Variants in FAM193A observed in about 807,000 individuals in gnomAD.
FAM193A encodes the protein protein FAM193A.
In FAM193A, 22 loss-of-function variants were observed where a neutral mutation model predicts 126.5. That is an observed-to-expected ratio of 0.17 (90% CI 0.12 to 0.25). The LOEUF is 0.25. Ranked by LOEUF, FAM193A falls within the 10% of genes least tolerant of loss-of-function variation. The pLI is 1.00. For missense variants in FAM193A, 1,675 were observed against 1,672.8 expected, an observed-to-expected ratio of 1.00 and a Z score of -0.02; for synonymous variants, 761 against 646.8, an observed-to-expected ratio of 1.18 and a Z score of -2.68.
intron 5 of FAM193A, among the ~76,000 whole-genome samples, chr4:2,637,260 G>C (rs939847803): frequency 6.6e-6 from 1 of 152,202 alleles, no homozygotes; most frequent in African/African-American, 2.4e-5. Context: ...CTGGGAGGCG[G>C]AGGTTGCAGT....
intron 10 of FAM193A, 77 bp downstream of exon 10, chr4:2,660,131 C>T (rs1224861889): frequency 1.4e-6 from 2 of 1,445,650 alleles, no homozygotes; most frequent in Admixed American, 1.8e-5. Flanking sequence ...GTAATGTCCA[C>T]AGAAGTATGA....
At chr4:2,706,291 C>CTT (rs59143784) in intron 19 of FAM193A, among the ~76,000 whole-genome samples, 31,769 of 108,194 alleles carry the variant, frequency 0.29, 5,376 homozygotes, top group Admixed American at 0.39. Flanking sequence ...TTCTTTCTTT[C>CTT]TTTTTTTTTT....
chr4:2,593,301 G>A (rs1203253095), intron 1 of FAM193A, among the ~76,000 whole-genome samples: 2 of 151,944 alleles, frequency 1.3e-5, no homozygotes, highest in Non-Finnish European at 2.9e-5. Flanking sequence ...CTCTCTGCAC[G>A]CAGCCTCAGA....
At chr4:2,646,540 C>T (rs867687159) in intron 6 of FAM193A, 145 bp from the exon 7 acceptor site, 2 of 790,142 alleles carry the variant, frequency 2.5e-6, no homozygotes, top group African/African-American at 1.8e-5. Context: ...TCACAGCTCC[C>T]TGCTGTGGTG....
intron 1 of FAM193A, among the ~76,000 whole-genome samples, chr4:2,541,857 G>A (rs1737252962): frequency 6.6e-6 from 1 of 151,776 alleles, no homozygotes; most frequent in African/African-American, 2.4e-5. Context: ...TTGAGACAGA[G>A]TCTTGCTCTG....
intron 1 of FAM193A, among the ~76,000 whole-genome samples, chr4:2,542,856 T>C (rs1737314194): frequency 6.6e-6 from 1 of 152,156 alleles, no homozygotes; most frequent in African/African-American, 2.4e-5. Flanking sequence ...CACAGCACTA[T>C]GTGTTATACC....
chr4:2,670,557 T>C (rs1713671603), intron 12 of FAM193A, among the ~76,000 whole-genome samples: 1 of 152,104 alleles, frequency 6.6e-6, no homozygotes, highest in Non-Finnish European at 1.5e-5. Flanking sequence ...CCTCCTGGGC[T>C]CAAACAATCC....
intron 7 of FAM193A, among the ~76,000 whole-genome samples, chr4:2,651,625 CAT>C (rs1028575400): frequency 7.2e-5 from 11 of 152,280 alleles, no homozygotes; most frequent in East Asian, 1.9e-4. Flanking sequence ...CCTCCCCTGA[CAT>C]GTGGGGATTA....
At chr4:2,580,180 G>A (rs1277908769) in intron 1 of FAM193A, among the ~76,000 whole-genome samples, 1 of 152,162 alleles carries the variant, frequency 6.6e-6, no homozygotes, top group Admixed American at 6.5e-5. Context: ...CACAGAAACA[G>A]AAAACCAGAT....
chr4:2,645,381 C>G (rs2109046963), intron 6 of FAM193A, among the ~76,000 whole-genome samples: 1 of 152,286 alleles, frequency 6.6e-6, no homozygotes, highest in East Asian at 1.9e-4. Flanking sequence ...GACCCCAGCC[C>G]CCAGCCTTCT....
chr4:2,592,039 T>G (rs764824694), intron 1 of FAM193A, among the ~76,000 whole-genome samples: 1 of 152,196 alleles, frequency 6.6e-6, no homozygotes, highest in African/African-American at 2.4e-5. Flanking sequence ...TTCATCTATG[T>G]GTTTGTAGGA....
rs1716087229 is a variant in FAM193A, at chr4:2,689,243, G to A, written c.2332-263G>A. On this transcript the variant is annotated intron_variant, in intron 13 of 20. Coordinates refer to ENST00000637812, the MANE Select transcript of FAM193A (RefSeq NM_001366318.2). ...CCCAGTAGGAATGTGAGAAGTTACTGAGTTGTCTAAAGTTTGTTCAGATAT... is the reference window on the plus strand; with the variant it reads ...CCCAGTAGGAATGTGAGAAGTTACTAAGTTGTCTAAAGTTTGTTCAGATAT... Among the ~76,000 whole-genome samples the A allele has an allele frequency of 2.0e-5, 3 of 152,336 alleles. No individual in the cohort carries two copies. The South Asian group carries it at 6.2e-4, about 32-fold the overall frequency.
intron 20 of FAM193A, among the ~76,000 whole-genome samples, chr4:2,717,824 T>G (rs954772015): frequency 6.6e-6 from 1 of 151,560 alleles, no homozygotes; most frequent in Non-Finnish European, 1.5e-5. Flanking sequence ...CAGCTAATTT[T>G]TTTATTTTTA....
chr4:2,576,497 A>AG (rs973202229), intron 1 of FAM193A, among the ~76,000 whole-genome samples: 1 of 152,182 alleles, frequency 6.6e-6, no homozygotes, highest in Non-Finnish European at 1.5e-5. Flanking sequence ...CAGGGGTTTA[A>AG]GGCTGTATTG....
intron 2 of FAM193A, among the ~76,000 whole-genome samples, chr4:2,600,524 G>A (rs1741135608): frequency 6.6e-6 from 1 of 152,132 alleles, no homozygotes; most frequent in Admixed American, 6.5e-5. Context: ...CTCCTTGGCA[G>A]GAACCCTTCC....
At chr4:2,618,787 G>T (rs562061850) in intron 2 of FAM193A, among the ~76,000 whole-genome samples, 1 of 152,158 alleles carries the variant, frequency 6.6e-6, no homozygotes, top group South Asian at 2.1e-4. Flanking sequence ...AAGGGACAAG[G>T]TTGCTCCATG....
chr4:2,729,882 G>T (rs1577293006), intron 20 of FAM193A, among the ~76,000 whole-genome samples: 1 of 152,130 alleles, frequency 6.6e-6, no homozygotes, highest in Non-Finnish European at 1.5e-5. Context: ...AAAGTGCTGG[G>T]ATTATAGGCA....
At chr4:2,690,047 C>T (rs1011620754) in intron 14 of FAM193A, among the ~76,000 whole-genome samples, 2 of 152,232 alleles carry the variant, frequency 1.3e-5, no homozygotes, top group African/African-American at 4.8e-5. Context: ...AGCCAGACCT[C>T]AGCCCCCCCG....
intron 2 of FAM193A, among the ~76,000 whole-genome samples, chr4:2,613,129 T>C (rs906980164): frequency 2.0e-5 from 3 of 152,152 alleles, no homozygotes; most frequent in African/African-American, 7.2e-5. Context: ...TTAAAAACTT[T>C]AGTAGTCAGT....
Sources: allele counts gnomAD v4.1 joint callset (sites outside exome capture counted in the v4.1 genomes callset), GRCh38; gene constraint gnomAD v4.1.1; transcripts MANE v1.5; gene names NCBI Gene and HGNC (gene_info 2026-07-23, HGNC 2026-07-21).